Variants in ACADM observed in about 807,000 individuals in gnomAD.
The protein encoded by ACADM is medium-chain specific acyl-CoA dehydrogenase, mitochondrial.
In ACADM, 49 loss-of-function variants were observed where a neutral mutation model predicts 58.9. The ratio of observed to expected loss-of-function variants is 0.83; its 90% CI spans 0.66 to 1.06. ACADM has a LOEUF of 1.06. Ranked by LOEUF, ACADM falls within the 50% of genes least tolerant of loss-of-function variation. ACADM has a pLI of 0.00. For synonymous variants in ACADM, 160 were observed against 157.7 expected, an observed-to-expected ratio of 1.01 and a Z score of -0.11; for missense variants, 496 against 507.0, an observed-to-expected ratio of 0.98 and a Z score of 0.21.
chr1:75,759,547 T>C (rs1570907118), intron 10 of ACADM, among the ~76,000 whole-genome samples: 1 of 152,332 alleles, frequency 6.6e-6, no homozygotes, highest in East Asian at 1.9e-4. Context: ...TTATGTCTTC[T>C]ATTTAATTCT....
intron 10 of ACADM, among the ~76,000 whole-genome samples, chr1:75,753,792 C>CTTATTTTT (rs1648334155): frequency 1.3e-5 from 1 of 75,426 alleles, no homozygotes; most frequent in Admixed American, 1.6e-4. Flanking sequence ...ATGCTGATAG[C>CTTATTTTT]TTCTTTTTTT....
chr1:75,733,112 T>G, intron 4 of ACADM, 190 bp downstream of exon 4: 8 of 1,612,926 alleles, frequency 5.0e-6, no homozygotes, highest in Non-Finnish European at 6.8e-6. Context: ...TTTTCCTTCT[T>G]CTAACTGGTT....
chr1:75,743,629 T>A, intron 7 of ACADM: 1 of 1,545,436 alleles, frequency 6.5e-7, no homozygotes, highest in Non-Finnish European at 8.9e-7. Context: ...TGATAATGGG[T>A]GTTCAAAGAG....
In ACADM at chr1:75,728,443, A is replaced by G; in HGVS notation, c.73A>G (p.Thr25Ala). 1.2e-6 allele frequency: 2 copies of G among 1,613,692 alleles called. No individual in the cohort carries two copies. Among genetic ancestry groups the G allele is most frequent in the Non-Finnish European group, 1.7e-6 (2 of 1,179,740 alleles). Reference protein sequence around the residue: ...ISRFHWRSQHTKANRQREPGL... With the variant: ...ISRFHWRSQHAKANRQREPGL... ...TCGTTTTCATTGGAGATCACAGCAT[A>G]CAAAAGCCAATCGACAACGTGAACC... Residue 25 changes from threonine (T) to alanine (A), a missense_variant, in exon 2 of 12, where the codon ACA (threonine) becomes GCA (alanine). Coordinates refer to ENST00000370841, the MANE Select transcript of ACADM (RefSeq NM_000016.6).
chr1:75,737,479 AG>A (rs1359316034), intron 6 of ACADM, among the ~76,000 whole-genome samples: 4 of 151,708 alleles, frequency 2.6e-5, no homozygotes, highest in African/African-American at 9.7e-5. Flanking sequence ...AGCATATTTC[AG>A]GGAAAAAAAT....
chr1:75,748,687 TCA>T (rs1648032339), intron 8 of ACADM, among the ~76,000 whole-genome samples: 1 of 152,258 alleles, frequency 6.6e-6, no homozygotes, highest in African/African-American at 2.4e-5. Context: ...CGGAGAGAAA[TCA>T]CACAGTGGTT....
chr1:75,733,373 C>T, intron 4 of ACADM, 155 bp from the exon 5 acceptor site: 4 of 972,838 alleles, frequency 4.1e-6, no homozygotes, highest in Non-Finnish European at 6.0e-6. Context: ...AGTATAATTT[C>T]TTATTGTGCC....
chr1:75,756,493 A>C (rs1013526694), intron 10 of ACADM, among the ~76,000 whole-genome samples: 3 of 152,150 alleles, frequency 2.0e-5, no homozygotes, highest in Admixed American at 6.5e-5. Context: ...ACCTAGGAAT[A>C]CAACTTACAA....
rs368688785 is a variant in ACADM at position 75,737,279 on chromosome 1, AATATATATATATATATATATATAT to A, written c.468+2433_468+2456del. Among the ~76,000 whole-genome samples, 102 of 43,130 alleles carry A rather than the reference AATATATATATATATATATATATAT, an allele frequency of 2.4e-3. 3 individuals carry two copies. The highest frequency in any genetic ancestry group is 8.0e-3 in the African/African-American group (82 of 10,302). 28.3% of individuals were successfully genotyped at this position (43,130 alleles called of 152,430 possible). On this transcript the variant is annotated intron_variant, in intron 6 of 11. Transcript: ENST00000370841. Reference sequence around the variant, plus strand: ...GAGACTGCCACCACACACACACACAAATATATATATATATATATATATATATATATATATATATATATATATATG... The same window carrying A: ...GAGACTGCCACCACACACACACACAAATATATATATATATATATATATATG...
intron 5 of ACADM, 146 bp downstream of exon 5, chr1:75,733,774 G>A (rs1647191649): frequency 4.3e-6 from 3 of 692,612 alleles, no homozygotes; most frequent in East Asian, 5.3e-5. Flanking sequence ...TTTCTTTAAA[G>A]AGGAACACAA....
At chr1:75,742,793 C>G (rs1307710474) in intron 7 of ACADM, among the ~76,000 whole-genome samples, 1 of 152,150 alleles carries the variant, frequency 6.6e-6, no homozygotes, top group Admixed American at 6.5e-5. Flanking sequence ...CCTCAGGGAA[C>G]CTCTGCTCTC....
chr1:75,761,579 A>C, intron 11 of ACADM: 1 of 602,492 alleles, frequency 1.7e-6, no homozygotes. Context: ...TAGGCTAAAA[A>C]AAATGGTACA....
chr1:75,734,326 G>A (rs1647202433), intron 5 of ACADM, among the ~76,000 whole-genome samples: 1 of 122,500 alleles, frequency 8.2e-6, no homozygotes, highest in Non-Finnish European at 1.6e-5. Flanking sequence ...ACCATGCCCG[G>A]CTAATTTTTT....
At chr1:75,747,205 A>G (rs1316990395) in intron 8 of ACADM, among the ~76,000 whole-genome samples, 1 of 140,530 alleles carries the variant, frequency 7.1e-6, no homozygotes, top group Non-Finnish European at 1.6e-5. Flanking sequence ...AACAGCTTAT[A>G]CTTTTTTTAG....
intron 7 of ACADM, chr1:75,743,716 G>A (rs550116467): frequency 6.7e-7 from 1 of 1,498,130 alleles, no homozygotes; most frequent in East Asian, 2.3e-5. Flanking sequence ...ATTCTTTCGG[G>A]CCTTCTCTCC....
intron 7 of ACADM, chr1:75,743,712 T>G (rs1647717500): frequency 9.4e-6 from 14 of 1,494,370 alleles, no homozygotes; most frequent in Admixed American, 8.4e-5. Flanking sequence ...ATTCATTCTT[T>G]CGGGCCTTCT....
intron 1 of ACADM, among the ~76,000 whole-genome samples, chr1:75,725,125 A>C (rs367563316): frequency 8.9e-4 from 135 of 152,160 alleles, no homozygotes; most frequent in African/African-American, 3.1e-3. Flanking sequence ...ACCTTTTTCC[A>C]AAGTGACCCC....
At chr1:75,743,716 G>T (rs550116467) in intron 7 of ACADM, 82 of 1,498,128 alleles carry the variant, frequency 5.5e-5, no homozygotes, top group South Asian at 5.3e-4. Flanking sequence ...ATTCTTTCGG[G>T]CCTTCTCTCC....
intron 6 of ACADM, among the ~76,000 whole-genome samples, chr1:75,736,009 A>G (rs948590947): frequency 2.6e-5 from 4 of 152,148 alleles, no homozygotes; most frequent in East Asian, 1.9e-4. Flanking sequence ...ATGAATAAAT[A>G]AATAAAAATT....
Sources: gnomAD v4.1 joint callset for allele counts (sites outside exome capture counted in the v4.1 genomes callset) on GRCh38, gnomAD v4.1.1 for gene constraint, MANE v1.5 for transcripts, NCBI Gene and HGNC (gene_info 2026-07-23, HGNC 2026-07-21) for gene names.